Variants in TRIP11 observed in about 807,000 individuals in gnomAD.
TRIP11 encodes the protein thyroid receptor-interacting protein 11.
A neutral mutation model predicts 223.1 loss-of-function variants in TRIP11; 148 were observed. The ratio of observed to expected loss-of-function variants is 0.66; its 90% CI spans 0.58 to 0.76. TRIP11 has a LOEUF of 0.76. Among genes scored for constraint, TRIP11 ranks in the 30% least tolerant of loss-of-function variants. The pLI is 0.00. For synonymous variants in TRIP11, 762 were observed against 772.6 expected (o/e 0.99, Z 0.23); for missense variants, 2,043 against 2,222.0 (o/e 0.92, Z 1.62).
intron 2 of TRIP11, among the ~76,000 whole-genome samples, chr14:92,026,077 T>C (rs929275771): frequency 1.3e-5 from 2 of 152,226 alleles, no homozygotes. Context: ...ATGGATTACA[T>C]GTTTGAACTT....
Position 91,999,945 on chromosome 14 carries a change from ATTCTTT to A in TRIP11, c.4698+17_4698+22del. 1 of 1,613,392 alleles carries A rather than the reference ATTCTTT, an allele frequency of 6.2e-7. No homozygotes were observed. The highest frequency in any genetic ancestry group is 1.7e-5 in the Admixed American group (1 of 60,016). Reference sequence around the variant, plus strand: ...TATTAAACTTATTGTTTGATTCATAATTCTTTTAAAGTGAAAGTATACCTCATTCTG... The same window carrying A: ...TATTAAACTTATTGTTTGATTCATAATAAAGTGAAAGTATACCTCATTCTG... On this transcript the variant is annotated intron_variant, in intron 12 of 20. Coordinates refer to ENST00000267622, the MANE Select transcript of TRIP11 (RefSeq NM_004239.4).
At chr14:92,020,084 C>T (rs1369867230) in intron 4 of TRIP11, among the ~76,000 whole-genome samples, 4 of 151,930 alleles carry the variant, frequency 2.6e-5, no homozygotes, top group Middle Eastern at 3.2e-3. Context: ...CCCATCTCTA[C>T]TAAAAGTACA....
rs541451631 is a variant in TRIP11 at position 92,018,969 on chromosome 14, A to C, written c.589-1219T>G. ...GAGCAAGACTCCATCTCAAAAAAAA[A>C]AAAAAAAAACAAAAAAAAAACTTTC... On this transcript the variant is annotated intron_variant, in intron 4 of 20. Coordinates refer to ENST00000267622, the MANE Select transcript of TRIP11 (RefSeq NM_004239.4). 1.6e-4 allele frequency among the ~76,000 whole-genome samples: 24 copies of C among 151,002 alleles called. No individual in the cohort carries two copies. The East Asian group carries it at 2.7e-3, about 17-fold the overall frequency.
intron 4 of TRIP11, among the ~76,000 whole-genome samples, chr14:92,019,638 C>G (rs1471961464): frequency 6.6e-6 from 1 of 152,086 alleles, no homozygotes; most frequent in Non-Finnish European, 1.5e-5. Flanking sequence ...GAAATTAAAT[C>G]CAAATAAACA....
At chr14:92,017,823 C>T in intron 4 of TRIP11, 73 bp from the exon 5 acceptor site, 2 of 1,292,546 alleles carry the variant, frequency 1.5e-6, no homozygotes, top group Non-Finnish European at 2.2e-6. Context: ...AAACTAACTT[C>T]ATTACAAGAA....
rs145498019 is a variant in TRIP11, at chr14:92,004,462, C to T, written c.3514G>A (p.Glu1172Lys). 176 of 1,613,552 alleles carry T rather than the reference C, an allele frequency of 1.1e-4. No homozygotes were observed. Among genetic ancestry groups the T allele is most frequent in the Non-Finnish European group, 1.3e-4 (157 of 1,180,008 alleles). ...LSRIIREKDIEIDALSQKCQT... is the reference protein window; with the variant it reads ...LSRIIREKDIKIDALSQKCQT... ...CATTTCTGACTTAGTGCATCTATTT[C>T]GATGTCTTTTTCTCGAATGATACGT... The change falls in exon 11 of 21, where the codon GAA (glutamate) becomes AAA (lysine). Residue 1172 changes from glutamate to lysine, a missense_variant. Physicochemically the swap from Glu to Lys is moderately conservative, Grantham distance 56. Coordinates refer to ENST00000267622, the MANE Select transcript of TRIP11 (RefSeq NM_004239.4).
chr14:92,004,767 G>A lies in TRIP11; in HGVS notation c.3209C>T (p.Ala1070Val), dbSNP rs767081192. 7.4e-6 allele frequency: 12 copies of A among 1,614,126 alleles called. No individual in the cohort carries two copies. In the East Asian group the frequency reaches 2.5e-4, roughly 33 times the overall value. ...AGTTGAAGAAATTCTAGCATGAAGAGCTTGTATCTCCAAATCTTTCTGCTG... is the reference window on the plus strand; with the variant it reads ...AGTTGAAGAAATTCTAGCATGAAGAACTTGTATCTCCAAATCTTTCTGCTG... ...IIQQKDLEIQ[A>V]LHARISSTSH... is the part of the protein sequence containing the mutation. Residue 1070 changes from alanine (A) to valine (V), a missense_variant, in exon 11 of 21, where the codon GCT becomes GTT. Coordinates refer to ENST00000267622, the MANE Select transcript of TRIP11 (RefSeq NM_004239.4).
chr14:92,009,253 C>T (rs954913033), intron 9 of TRIP11, among the ~76,000 whole-genome samples: 1 of 152,120 alleles, frequency 6.6e-6, no homozygotes, highest in African/African-American at 2.4e-5. Flanking sequence ...AGGCTGGTCT[C>T]GAACTCCTGG....
intron 3 of TRIP11, among the ~76,000 whole-genome samples, chr14:92,023,931 C>A (rs2057145175): frequency 6.6e-6 from 1 of 151,288 alleles, no homozygotes; most frequent in Non-Finnish European, 1.5e-5. Context: ...TCTCAGCTCA[C>A]TACAACCACC....
chr14:92,023,876 G>GA, intron 3 of TRIP11, among the ~76,000 whole-genome samples: 1 of 144,890 alleles, frequency 6.9e-6, no homozygotes, highest in East Asian at 2.0e-4. Context: ...TTTTTTTTGA[G>GA]ACGGAGTCTC....
At chr14:92,026,765 G>T in intron 2 of TRIP11, 1 of 1,164,370 alleles carries the variant, frequency 8.6e-7, no homozygotes, top group Non-Finnish European at 1.3e-6. Context: ...GAAGGTGAGG[G>T]TGAGGAAGAA....
chr14:92,003,860 T>C lies in TRIP11; in HGVS notation c.4116A>G (p.Arg1372=), dbSNP rs142566919. The C allele has an allele frequency of 6.2e-7, 1 of 1,613,956 alleles. No individual in the cohort carries two copies. The highest frequency in any genetic ancestry group is 1.3e-5 in the African/African-American group (1 of 74,934). ...AGGTGGCAGCAATCGAATCAGACAA[T>C]CTGTGGTTATTTTCCTGGAGAGTTC... The part of the protein sequence containing the change: ...TIRTLQENNH[R]LSDSIAATSE... The change falls in exon 11 of 21, where the codon AGA becomes AGG. Residue 1372 remains arginine, a synonymous_variant. Coordinates refer to ENST00000267622, the MANE Select transcript of TRIP11 (RefSeq NM_004239.4).
chr14:91,981,006 A>T (rs867516181), intron 16 of TRIP11, among the ~76,000 whole-genome samples: 25 of 66,124 alleles, frequency 3.8e-4, no homozygotes, highest in African/African-American at 1.8e-3. Flanking sequence ...ATATATATAT[A>T]TATATATTTT....
At position 91,970,550 on chromosome 14, in the gene TRIP11, A is replaced by G. The variant is rs2056389295; in HGVS notation, c.5720-657T>C. 1.3e-5 allele frequency among the ~76,000 whole-genome samples: 2 copies of G among 152,240 alleles called. 1 individual carries two copies. Among genetic ancestry groups the G allele is most frequent in the South Asian group, 4.1e-4 (2 of 4,834 alleles). On this transcript the variant is annotated intron_variant, in intron 20 of 20. Transcript: ENST00000267622. ...AATTCAAAACATTTTCTGATAAAAA[A>G]ACAATGCTATACATGTGTTTTAAGT...
chr14:92,027,076 G>A (rs2057198925), intron 2 of TRIP11, among the ~76,000 whole-genome samples: 1 of 152,012 alleles, frequency 6.6e-6, no homozygotes. Context: ...TTTGCAACAG[G>A]GGAGGAAAAA....
chr14:92,004,477 G>C lies in TRIP11; in HGVS notation c.3499C>G (p.Arg1167Gly). The change falls in exon 11 of 21, where the codon CGA (arginine) becomes GGA (glycine). Residue 1167 changes from arginine to glycine, a missense_variant. Coordinates refer to ENST00000267622, the MANE Select transcript of TRIP11 (RefSeq NM_004239.4). ...ETIQNLSRII[R>G]EKDIEIDALS... is the part of the protein sequence containing the mutation. ...GCATCTATTTCGATGTCTTTTTCTC[G>C]AATGATACGTGATAAATTCTGAATA... 5 of 1,613,412 alleles carry C rather than the reference G, an allele frequency of 3.1e-6. No homozygotes were observed. The highest frequency in any genetic ancestry group is 3.4e-6 in the Non-Finnish European group (4 of 1,180,016).
Position 92,003,912 on chromosome 14 carries a change from G to T in TRIP11, c.4064C>A (p.Ser1355Ter), listed in dbSNP as rs745320460. 6.2e-7 allele frequency: 1 copy of T among 1,614,028 alleles called. No individual in the cohort carries two copies. The highest frequency in any genetic ancestry group is 8.5e-7 in the Non-Finnish European group (1 of 1,180,032). The change falls in exon 11 of 21, where the codon TCA becomes TAA. Residue 1355 changes from serine (S) to a stop codon, truncating the protein, a stop_gained. Coordinates refer to ENST00000267622, the MANE Select transcript of TRIP11 (RefSeq NM_004239.4). LOFTEE classifies it high-confidence loss of function. ...LQQELEELRKSLQEKDATIRT... is the reference protein window; with the variant it reads ...LQQELEELRK Reference sequence around the variant, plus strand: ...AATTGTTGCATCTTTTTCCTGTAGTGATTTTCTTAGCTCTTCTAACTCTTG... The same window carrying T: ...AATTGTTGCATCTTTTTCCTGTAGTTATTTTCTTAGCTCTTCTAACTCTTG...
rs1433107937 is a variant in TRIP11, at chr14:91,969,773, A to C, written c.5840T>G (p.Leu1947Arg). 1.2e-6 allele frequency: 2 copies of C among 1,614,160 alleles called. No individual in the cohort carries two copies. Among genetic ancestry groups the C allele is most frequent in the Admixed American group, 1.7e-5 (1 of 60,032 alleles). ...GLGPGGPGHL[L>R]LKPISDVLPT... ...CAAAACATCTGAGATGGGTTTCAGA[A>C]GAAGATGCCCGGGCCCACCAGGTCC... Residue 1947 changes from leucine (L) to arginine (R), a missense_variant, in exon 21 of 21, where the codon CTT becomes CGT. Coordinates refer to ENST00000267622, the MANE Select transcript of TRIP11 (RefSeq NM_004239.4).
In TRIP11 at chr14:91,999,449, T is replaced by A. The variant is rs376615327; in HGVS notation, c.4699-16A>T. ...AACGTTGAACCTAGGTAGAGGACAT[T>A]ATTTTTCTTTTACAAAATGCTCCCT... On this transcript the variant is annotated splice_polypyrimidine_tract_variant and intron_variant, in intron 12 of 20. Coordinates refer to ENST00000267622, the MANE Select transcript of TRIP11 (RefSeq NM_004239.4). 2.6e-5 allele frequency: 42 copies of A among 1,612,850 alleles called. No individual in the cohort carries two copies. The highest frequency in any genetic ancestry group is 3.0e-5 in the Non-Finnish European group (35 of 1,179,558).
Sources: allele counts gnomAD v4.1 joint callset (sites outside exome capture counted in the v4.1 genomes callset), GRCh38; gene constraint gnomAD v4.1.1; transcripts MANE v1.5; gene names NCBI Gene and HGNC (gene_info 2026-07-23, HGNC 2026-07-21).